Variants in COL22A1 observed in about 807,000 individuals in gnomAD.
COL22A1 encodes collagen alpha-1(XXII) chain.
COL22A1 carries 221 observed loss-of-function variants against 248.9 expected under a neutral mutation model. The observed-to-expected ratio is 0.89, with a 90% confidence interval of 0.80 to 0.99. COL22A1 has a LOEUF of 0.99. COL22A1 is among the 50% of genes least tolerant of loss of function. The probability of loss-of-function intolerance (pLI) is 0.00; values close to 1 mark genes in which losing one functional copy is unlikely to be tolerated. For synonymous variants in COL22A1, 891 were observed against 793.4 expected (o/e 1.12, Z -2.07); for missense variants, 2,240 against 2,179.0 (o/e 1.03, Z -0.56).
At chr8:138,702,071 C>T (rs1380023099) in intron 31 of COL22A1, among the ~76,000 whole-genome samples, 1 of 152,128 alleles carries the variant, frequency 6.6e-6, no homozygotes, top group Non-Finnish European at 1.5e-5. Flanking sequence ...TGCACACATA[C>T]AAATATTTCT....
intron 11 of COL22A1, among the ~76,000 whole-genome samples, chr8:138,802,511 CAG>C (rs1482357096): frequency 6.6e-6 from 1 of 151,764 alleles, no homozygotes; most frequent in East Asian, 1.9e-4. Flanking sequence ...GAAGAGAAAA[CAG>C]GGGTGGGGAG....
At chr8:138,757,481 AGTTTCCAATAACAGTTATGAAATCAATC>A (rs1833112008) in intron 18 of COL22A1, among the ~76,000 whole-genome samples, 1 of 152,006 alleles carries the variant, frequency 6.6e-6, no homozygotes, top group African/African-American at 2.4e-5. Context: ...CACAAAAGTG[AGTTTCCAATAACAGTTATGAAATCAATC>A]AATCAACACA....
chr8:138,670,351 C>T (rs1824908607), intron 41 of COL22A1, among the ~76,000 whole-genome samples: 1 of 152,144 alleles, frequency 6.6e-6, no homozygotes, highest in Non-Finnish European at 1.5e-5. Flanking sequence ...GTGCACTGGG[C>T]AGGGCAAGAG....
At position 138,693,639 on chromosome 8, in the gene COL22A1, G is replaced by A. The variant is rs752788740; in HGVS notation, c.2754+7C>T. The A allele has an allele frequency of 8.2e-6, 13 of 1,579,696 alleles. No individual in the cohort carries two copies. The Middle Eastern group carries it at 8.3e-4, about 101-fold the overall frequency. ...CCCCACGAGGCAGGCCGATCATAGG[G>A]ACTCACGGGGTTTCCAGCTGCTCCA... On this transcript the variant is annotated splice_region_variant and intron_variant, in intron 35 of 64. Coordinates refer to ENST00000303045, the MANE Select transcript of COL22A1 (RefSeq NM_152888.3).
chr8:138,598,698 A>G (rs751546050), intron 61 of COL22A1, 21 bp downstream of exon 61: 1 of 1,600,884 alleles, frequency 6.2e-7, no homozygotes, highest in Admixed American at 1.7e-5. Context: ...CCCGAGTCCA[A>G]AGCCATATTA....
At chr8:138,681,259 T>G (rs902316616) in intron 39 of COL22A1, among the ~76,000 whole-genome samples, 1 of 152,210 alleles carries the variant, frequency 6.6e-6, no homozygotes, top group African/African-American at 2.4e-5. Flanking sequence ...ACTGTATGTA[T>G]GCATACTTGT....
intron 1 of COL22A1, among the ~76,000 whole-genome samples, chr8:138,905,551 C>A (rs1814944375): frequency 6.6e-6 from 1 of 152,184 alleles, no homozygotes; most frequent in Non-Finnish European, 1.5e-5. Flanking sequence ...GTCCCTAAGC[C>A]AAGCTCCCAT....
intron 22 of COL22A1, among the ~76,000 whole-genome samples, chr8:138,744,453 G>C (rs1296811413): frequency 1.3e-5 from 2 of 151,360 alleles, no homozygotes; most frequent in Non-Finnish European, 2.9e-5. Flanking sequence ...TTAGAATTCT[G>C]ATATGCACAT....
At chr8:138,860,155 T>C (rs1456833348) in intron 3 of COL22A1, among the ~76,000 whole-genome samples, 2 of 152,228 alleles carry the variant, frequency 1.3e-5, no homozygotes, top group African/African-American at 2.4e-5. Flanking sequence ...AGCTTCCTGC[T>C]GGCTCACATT....
chr8:138,844,048 C>T, intron 4 of COL22A1, 36 bp downstream of exon 4: 1 of 1,590,378 alleles, frequency 6.3e-7, no homozygotes, highest in South Asian at 1.1e-5. Context: ...AATCATACAC[C>T]AAAGCAAGCA....
chr8:138,725,938 G>C (rs1261091705), intron 23 of COL22A1, among the ~76,000 whole-genome samples: 1 of 152,210 alleles, frequency 6.6e-6, no homozygotes, highest in Non-Finnish European at 1.5e-5. Context: ...CTCTAGGTAT[G>C]GGGTGAGTGG....
At chr8:138,790,701 G>C (rs949458595) in intron 12 of COL22A1, among the ~76,000 whole-genome samples, 5 of 152,186 alleles carry the variant, frequency 3.3e-5, no homozygotes, top group African/African-American at 4.8e-5. Flanking sequence ...TTGGGATAAG[G>C]GAAGACCTGG....
chr8:138,787,754 G>C (rs1408596374), intron 12 of COL22A1, among the ~76,000 whole-genome samples: 1 of 152,090 alleles, frequency 6.6e-6, no homozygotes, highest in African/African-American at 2.4e-5. Context: ...GCTCTGACCT[G>C]TCTTCCACCC....
In COL22A1 at chr8:138,891,808, G is replaced by A. The variant is rs775997719; in HGVS notation, c.-72-8564C>T. Among the ~76,000 whole-genome samples, 9 of 152,304 alleles carry A rather than the reference G, an allele frequency of 5.9e-5. No homozygotes were observed. In the East Asian group the frequency reaches 9.6e-4, roughly 16 times the overall value. On this transcript the variant is annotated intron_variant, in intron 1 of 64. Coordinates refer to ENST00000303045, the MANE Select transcript of COL22A1 (RefSeq NM_152888.3). The stretch of plus-strand genomic sequence containing the variant: ...GATATAGTCAAACACCAAACTATGC[G>A]TCATCCAGTTTACAAGAAGGAGAGG...
At chr8:138,844,658 A>G (rs1821105204) in intron 3 of COL22A1, among the ~76,000 whole-genome samples, 1 of 152,222 alleles carries the variant, frequency 6.6e-6, no homozygotes, top group South Asian at 2.1e-4. Flanking sequence ...CATTTAGGAA[A>G]GCATGCACAT....
intron 1 of COL22A1, among the ~76,000 whole-genome samples, chr8:138,902,672 C>CA (rs1814674724): frequency 6.6e-6 from 1 of 150,684 alleles, no homozygotes; most frequent in African/African-American, 2.4e-5. Flanking sequence ...CACCATTGCA[C>CA]TCCAGCCTGG....
At chr8:138,683,900 T>C (rs959647070) in intron 39 of COL22A1, among the ~76,000 whole-genome samples, 2 of 152,190 alleles carry the variant, frequency 1.3e-5, no homozygotes, top group Non-Finnish European at 2.9e-5. Flanking sequence ...CTTCATTTAA[T>C]GGTAAGTATT....
intron 58 of COL22A1, 98 bp downstream of exon 58, chr8:138,606,283 C>T: frequency 1.8e-6 from 2 of 1,119,070 alleles, no homozygotes; most frequent in Non-Finnish European, 1.3e-6. Flanking sequence ...CCTGAGCAGA[C>T]AGAACTGAGG....
chr8:138,803,580 G>A (rs924805375), intron 10 of COL22A1, among the ~76,000 whole-genome samples: 1 of 152,102 alleles, frequency 6.6e-6, no homozygotes, highest in African/African-American at 2.4e-5. Flanking sequence ...AGAGTCCCCT[G>A]GGCATTCAAT....
Sources: gnomAD v4.1 joint callset for allele counts (sites outside exome capture counted in the v4.1 genomes callset) on GRCh38, gnomAD v4.1.1 for gene constraint, MANE v1.5 for transcripts, NCBI Gene and HGNC (gene_info 2026-07-23, HGNC 2026-07-21) for gene names.